The following MSI2 variants were observed in gnomAD, a reference collection of about 807,000 sequenced individuals.
The protein encoded by MSI2 is musashi RNA binding protein 2.
Under a neutral mutation model 45.6 loss-of-function variants are expected in MSI2, and 17 were observed. The ratio of observed to expected loss-of-function variants is 0.37; its 90% CI spans 0.26 to 0.56. The LOEUF (loss-of-function observed/expected upper bound fraction) is 0.56, where lower values mean the gene tolerates loss of function less well. Among genes scored for constraint, MSI2 ranks in the 20% least tolerant of loss-of-function variants. The probability of loss-of-function intolerance (pLI) is 0.77; values close to 1 mark genes in which losing one functional copy is unlikely to be tolerated. For missense variants in MSI2, 293 were observed against 444.2 expected (o/e 0.66, Z 3.06); for synonymous variants, 156 against 158.2 (o/e 0.99, Z 0.11).
intron 5 of MSI2, among the ~76,000 whole-genome samples, chr17:57,389,105 A>C (rs1188533919): frequency 6.6e-6 from 1 of 151,330 alleles, no homozygotes; most frequent in Admixed American, 6.6e-5. Context: ...CAGCCTCCCA[A>C]GTAGCTGGGA....
intron 7 of MSI2, among the ~76,000 whole-genome samples, chr17:57,594,121 GC>G: frequency 6.6e-6 from 1 of 152,344 alleles, no homozygotes; most frequent in South Asian, 2.1e-4. Context: ...TGTGTTAGGG[GC>G]CCTGTTCCGT....
chr17:57,663,978 A>G (rs770795133), intron 11 of MSI2, among the ~76,000 whole-genome samples: 29 of 151,582 alleles, frequency 1.9e-4, no homozygotes, highest in Admixed American at 1.6e-3. Context: ...TGCCTTGTTG[A>G]TTACTCCAGT....
intron 6 of MSI2, among the ~76,000 whole-genome samples, chr17:57,526,790 T>C (rs1473709411): frequency 6.6e-6 from 1 of 152,204 alleles, no homozygotes; most frequent in Non-Finnish European, 1.5e-5. Flanking sequence ...TCTTAGATGT[T>C]GTATTTTGTA....
chr17:57,579,404 G>A (rs568291190), intron 7 of MSI2, among the ~76,000 whole-genome samples: 2 of 152,320 alleles, frequency 1.3e-5, no homozygotes, highest in African/African-American at 4.8e-5. Flanking sequence ...GGTGGCTCCC[G>A]TTGGAGACCC....
At chr17:57,366,493 CCTAA>C (rs1917205124) in intron 5 of MSI2, among the ~76,000 whole-genome samples, 1 of 152,156 alleles carries the variant, frequency 6.6e-6, no homozygotes, top group African/African-American at 2.4e-5. Context: ...AGAGACAACC[CCTAA>C]CTTTTTATTT....
chr17:57,257,149 G>T lies in MSI2; in HGVS notation c.103+11G>T. 2 of 1,511,352 alleles carry T rather than the reference G, an allele frequency of 1.3e-6. No individual in the cohort carries two copies. Among genetic ancestry groups the T allele is most frequent in the Non-Finnish European group, 1.8e-6 (2 of 1,105,292 alleles). 93.6% of individuals were successfully genotyped at this position (1,511,352 alleles called of 1,614,324 possible). On this transcript the variant is annotated intron_variant, in intron 2 of 13. Transcript: ENST00000284073. ...GGCAGACCTCACCAGGTAAGGGAGG[G>T]AGGGGGGGACGCCTGGGTCCCCCCC...
At chr17:57,439,134 C>T (rs972367934) in intron 6 of MSI2, among the ~76,000 whole-genome samples, 2 of 152,150 alleles carry the variant, frequency 1.3e-5, no homozygotes, top group African/African-American at 4.8e-5. Flanking sequence ...GTAGGGGACA[C>T]TTTCATTAGG....
chr17:57,599,950 G>A (rs539389072), intron 8 of MSI2, among the ~76,000 whole-genome samples: 1 of 152,274 alleles, frequency 6.6e-6, no homozygotes, highest in Admixed American at 6.5e-5. Flanking sequence ...CATTATCCTT[G>A]CCATCATCCA....
intron 6 of MSI2, among the ~76,000 whole-genome samples, chr17:57,409,959 G>C (rs1173703223): frequency 7.8e-6 from 1 of 128,376 alleles, no homozygotes; most frequent in Non-Finnish European, 1.6e-5. Flanking sequence ...AGTGAGCCGA[G>C]ATCGTGCCAC....
At chr17:57,556,450 C>A (rs1268698248) in intron 7 of MSI2, among the ~76,000 whole-genome samples, 1 of 152,252 alleles carries the variant, frequency 6.6e-6, no homozygotes, top group South Asian at 2.1e-4. Flanking sequence ...ATACTTCTTC[C>A]TTGAGGTGGG....
At chr17:57,562,114 G>T (rs2087591472) in intron 7 of MSI2, among the ~76,000 whole-genome samples, 1 of 152,170 alleles carries the variant, frequency 6.6e-6, no homozygotes, top group African/African-American at 2.4e-5. Flanking sequence ...CCAATAAATA[G>T]CAGCTGTTGT....
At chr17:57,592,189 C>T (rs763328280) in intron 7 of MSI2, among the ~76,000 whole-genome samples, 2 of 150,430 alleles carry the variant, frequency 1.3e-5, no homozygotes, top group Non-Finnish European at 3.0e-5. Context: ...AAAAAAAAGG[C>T]TAAGATGGTT....
At chr17:57,502,626 T>TAG (rs1445961146) in intron 6 of MSI2, among the ~76,000 whole-genome samples, 4 of 126,264 alleles carry the variant, frequency 3.2e-5, no homozygotes, top group African/African-American at 1.2e-4. Flanking sequence ...TATATATATA[T>TAG]ATATATATAT....
At chr17:57,393,842 C>G (rs560663866) in intron 5 of MSI2, among the ~76,000 whole-genome samples, 1 of 152,274 alleles carries the variant, frequency 6.6e-6, no homozygotes, top group African/African-American at 2.4e-5. Flanking sequence ...CCACCATGCC[C>G]AGCTAATTTT....
intron 11 of MSI2, among the ~76,000 whole-genome samples, chr17:57,673,679 G>A (rs1011974097): frequency 3.3e-5 from 5 of 152,082 alleles, no homozygotes; most frequent in Non-Finnish European, 5.9e-5. Flanking sequence ...TGGTTGACAG[G>A]CTGCGGCCCT....
chr17:57,578,202 C>T (rs190282324), intron 7 of MSI2, among the ~76,000 whole-genome samples: 1 of 151,956 alleles, frequency 6.6e-6, no homozygotes, highest in East Asian at 1.9e-4. Context: ...TGATTCTCTG[C>T]TGGTGACAGC....
chr17:57,330,916 T>A (rs972110506), intron 5 of MSI2, among the ~76,000 whole-genome samples: 6 of 151,370 alleles, frequency 4.0e-5, no homozygotes, highest in African/African-American at 9.8e-5. Flanking sequence ...TATTCTTTTT[T>A]TTTGTGTGTG....
intron 5 of MSI2, among the ~76,000 whole-genome samples, chr17:57,287,738 A>G (rs914989927): frequency 6.6e-6 from 1 of 152,164 alleles, no homozygotes; most frequent in Non-Finnish European, 1.5e-5. Context: ...AATGGATTCC[A>G]TGGCAGCCCC....
At chr17:57,509,259 A>G (rs2086300177) in intron 6 of MSI2, among the ~76,000 whole-genome samples, 1 of 152,170 alleles carries the variant, frequency 6.6e-6, no homozygotes, top group African/African-American at 2.4e-5. Flanking sequence ...AGCCGTCTAG[A>G]GAGTGTTTCT....
Sources: allele counts gnomAD v4.1 joint callset (sites outside exome capture counted in the v4.1 genomes callset), GRCh38; gene constraint gnomAD v4.1.1; transcripts MANE v1.5; gene names NCBI Gene and HGNC (gene_info 2026-07-23, HGNC 2026-07-21).